Variants in CCNO observed in about 807,000 individuals in gnomAD.
The protein encoded by CCNO is cyclin O.
A neutral mutation model predicts 23.9 loss-of-function variants in CCNO; 24 were observed. The observed-to-expected ratio is 1.00, with a 90% confidence interval of 0.73 to 1.41. The LOEUF (loss-of-function observed/expected upper bound fraction) is 1.41. CCNO is among the 40% of genes most tolerant of loss of function. The pLI is 0.00. For missense variants in CCNO, 542 were observed against 476.2 expected, an observed-to-expected ratio of 1.14 and a Z score of -1.29; for synonymous variants, 241 against 225.7, an observed-to-expected ratio of 1.07 and a Z score of -0.61.
rs2111718353 is a variant in CCNO, at chr5:55,232,478, G to C, written c.450C>G (p.Ser150=). The change falls in exon 2 of 3, where the codon TCC becomes TCG. Residue 150 remains serine (S), a synonymous_variant. Coordinates refer to ENST00000282572, the MANE Select transcript of CCNO (RefSeq NM_021147.5). Reference sequence around the variant, plus strand: ...TCACCGTCAGGCACAGCGACTCGAAGGAGAGGCCGAATTGGCGGTGCACCG... The same window carrying C: ...TCACCGTCAGGCACAGCGACTCGAACGAGAGGCCGAATTGGCGGTGCACCG... ...LIPVHRQFGL[S]FESLCLTVNT... is the part of the protein sequence containing the mutation. 1 of 1,614,006 alleles carries C rather than the reference G, an allele frequency of 6.2e-7. No homozygotes were observed. The highest frequency in any genetic ancestry group is 8.5e-7 in the Non-Finnish European group (1 of 1,180,044).
intron 1 of CCNO, chr5:55,232,809 C>T (rs1028380287): frequency 1.2e-5 from 7 of 590,358 alleles, no homozygotes; most frequent in African/African-American, 1.1e-4. Context: ...GGGAGGGGTT[C>T]CATTTTGCAG....
chr5:55,232,950 G>C (rs376062835), intron 1 of CCNO, 193 bp downstream of exon 1: 3 of 639,264 alleles, frequency 4.7e-6, no homozygotes, highest in South Asian at 4.0e-5. Context: ...CCCTCAAGCC[G>C]TCTACGCCCC....
At chr5:55,232,749 G>C (rs1179459927) in intron 1 of CCNO, 3 of 613,088 alleles carry the variant, frequency 4.9e-6, no homozygotes, top group East Asian at 2.7e-5. Context: ...GCTGTGCAGA[G>C]AGCGTCGTAC....
rs929955608 is a variant in CCNO, at chr5:55,233,340, C to G, written c.184G>C (p.Glu62Gln). 6.2e-7 allele frequency: 1 copy of G among 1,607,258 alleles called. No individual in the cohort carries two copies. The highest frequency in any genetic ancestry group is 2.2e-5 in the East Asian group (1 of 44,656). The change falls in exon 1 of 3, where the codon GAG (glutamate) becomes CAG (glutamine). Residue 62 changes from glutamate (E) to glutamine (Q), a missense_variant. By Grantham distance (29) the Glu-to-Gln change is conservative. Transcript: ENST00000282572. Reference protein sequence around the residue: ...PGDSGICDLFESPSSGSDGAE... With the variant: ...PGDSGICDLFQSPSSGSDGAE... ...CCGTCTGAGCCGGAGCTGGGGGACT[C>G]GAACAGGTCGCAAATGCCGGAGTCT...
chr5:55,231,527 C>A lies in CCNO; in HGVS notation c.901G>T (p.Val301Leu), dbSNP rs895968566. 2 of 1,613,598 alleles carry A rather than the reference C, an allele frequency of 1.2e-6. No individual in the cohort carries two copies. The highest frequency in any genetic ancestry group is 1.1e-5 in the South Asian group (1 of 91,080). ...ADRMLRVSRP[V>L]DLRLGDHPEA... The stretch of plus-strand genomic sequence containing the variant: ...GGGTGGTCTCCCAGTCGCAAGTCCA[C>A]GGGCCGCGAGACCCGCAGCATGCGG... The change falls in exon 3 of 3, where the codon GTG becomes TTG. Residue 301 changes from valine to leucine, a missense_variant. Coordinates refer to ENST00000282572, the MANE Select transcript of CCNO (RefSeq NM_021147.5).
intron 1 of CCNO, 138 bp downstream of exon 1, chr5:55,233,005 G>T (rs1468761340): frequency 1.2e-5 from 10 of 865,970 alleles, no homozygotes; most frequent in Non-Finnish European, 1.7e-5. Context: ...CCCCTCCACG[G>T]CCCCTTGTGC....
At chr5:55,232,325 C>T in intron 2 of CCNO, 36 bp downstream of exon 2, 5 of 1,583,596 alleles carry the variant, frequency 3.2e-6, no homozygotes, top group Non-Finnish European at 4.3e-6. Context: ...GCTGCGTCCC[C>T]AGATGCCGCG....
At position 55,231,287 on chromosome 5, in the gene CCNO, T is replaced by G. The variant is rs1324480651; in HGVS notation, c.*88A>C. The G allele has an allele frequency of 2.7e-6, 4 of 1,488,266 alleles. No individual in the cohort carries two copies. Among genetic ancestry groups the G allele is most frequent in the Non-Finnish European group, 2.8e-6 (3 of 1,088,674 alleles). 92.2% of individuals were successfully genotyped at this position (1,488,266 alleles called of 1,614,324 possible). On this transcript the variant is annotated 3_prime_UTR_variant, in exon 3 of 3. Transcript: ENST00000282572. The stretch of plus-strand genomic sequence containing the variant: ...GCTGACCAAGCAGGTCCTGAAGCCT[T>G]CTCTGTGGACCAGTACTGCACTCTT...
At position 55,233,166 on chromosome 5, in the gene CCNO, C is replaced by T. The variant is rs1745645692; in HGVS notation, c.358G>A (p.Glu120Lys). Residue 120 changes from glutamate (E) to lysine (K), a missense_variant, in exon 1 of 3, where the codon GAG (glutamate) becomes AAG (lysine). Transcript: ENST00000282572. Reference sequence around the variant, plus strand: ...ACTTGTGGCTGCCGTGCCAGCGCCTCCCGCGGGTGGAAGTGGCTCTCCTGC... The same window carrying T: ...ACTTGTGGCTGCCGTGCCAGCGCCTTCCGCGGGTGGAAGTGGCTCTCCTGC... ...KAQESHFHPR[E>K]ALARQPQVTA... 2.6e-6 allele frequency: 4 copies of T among 1,545,958 alleles called. No individual in the cohort carries two copies. In the South Asian group the frequency reaches 4.8e-5, roughly 18 times the overall value.
Position 55,233,263 on chromosome 5 carries a change from G to C in CCNO, c.261C>G (p.Ala87=), listed in dbSNP as rs1366870730. The part of the protein sequence containing the change: ...ARGGSPLPGP[A]QPVAQLDLQT... ...GTAGATCTAGCTGCGCCACGGGCTGGGCCGGGCCGGGCAGGGGGCTACCAC... is the reference window on the plus strand; with the variant it reads ...GTAGATCTAGCTGCGCCACGGGCTGCGCCGGGCCGGGCAGGGGGCTACCAC... The change falls in exon 1 of 3, where the codon GCC becomes GCG. Residue 87 remains alanine (A), a synonymous_variant. Transcript: ENST00000282572. The C allele has an allele frequency of 6.9e-6, 11 of 1,588,826 alleles. No individual in the cohort carries two copies. The highest frequency in any genetic ancestry group is 1.7e-4 in the Middle Eastern group (1 of 6,010).
chr5:55,232,385 G>T lies in CCNO; in HGVS notation c.543C>A (p.Thr181=). Reference sequence around the variant, plus strand: ...CCTGTTTGCAAGCGATGAGCAAGGAGGTGACCCCAAGCAGCTGGAAGCAGT... The same window carrying T: ...CCTGTTTGCAAGCGATGAGCAAGGATGTGACCCCAAGCAGCTGGAAGCAGT... ...AADCFQLLGV[T]SLLIACKQVE... is the part of the protein sequence containing the mutation. Residue 181 remains threonine, a synonymous_variant, in exon 2 of 3, where the codon ACC becomes ACA. Transcript: ENST00000282572. The T allele has an allele frequency of 1.2e-6, 2 of 1,613,796 alleles. No individual in the cohort carries two copies. The highest frequency in any genetic ancestry group is 4.5e-5 in the East Asian group (2 of 44,878).
intron 1 of CCNO, 74 bp from the exon 2 acceptor site, chr5:55,232,620 CAAG>C (rs1745625067): frequency 9.1e-6 from 13 of 1,426,754 alleles, no homozygotes; most frequent in Non-Finnish European, 1.3e-5. Flanking sequence ...AAGGAAGGGC[CAAG>C]AAGAATCGGG....
chr5:55,232,617 G>C, intron 1 of CCNO, 71 bp from the exon 2 acceptor site: 1 of 1,452,400 alleles, frequency 6.9e-7, no homozygotes, highest in Non-Finnish European at 9.6e-7. Context: ...GGGAAGGAAG[G>C]GCCAAGAAGA....
chr5:55,233,051 C>G, intron 1 of CCNO, 92 bp downstream of exon 1: 2 of 1,380,606 alleles, frequency 1.4e-6, no homozygotes, highest in Non-Finnish European at 1.9e-6. Flanking sequence ...GTCGCGGGCC[C>G]GGGCGCTCGG....
In CCNO at chr5:55,233,551, C is replaced by T. The variant is rs764613735; in HGVS notation, c.-28G>A. ...TGCGGCCGGGTGGCCGCTTTACTAC[C>T]TTCAACGCCCGGGCTGCGGCGGGCA... is the stretch of plus-strand genomic sequence containing the variant. On this transcript the variant is annotated 5_prime_UTR_variant, in exon 1 of 3. Transcript: ENST00000282572. The T allele has an allele frequency of 5.3e-6, 8 of 1,501,418 alleles. No homozygotes were observed. Among genetic ancestry groups the T allele is most frequent in the Middle Eastern group, 2.4e-4 (1 of 4,172 alleles). 93.0% of individuals were successfully genotyped at this position (1,501,418 alleles called of 1,614,324 possible). A position where few individuals can be genotyped will look rare whatever the true frequency, so the allele number is the denominator to read the frequency against.
At chr5:55,233,044 G>A in intron 1 of CCNO, 99 bp downstream of exon 1, 1 of 1,316,436 alleles carries the variant, frequency 7.6e-7, no homozygotes. Context: ...CTGGGCTGTC[G>A]CGGGCCCGGG....
At position 55,231,780 on chromosome 5, in the gene CCNO, G is replaced by C. The variant is rs1238416921; in HGVS notation, c.648C>G (p.Leu216=). ...GCAGCTTGTGCAGCACGATGCACTC[G>C]AGGTTGCAGAGCTGCTGCCGGGAGA... ...GAFSRQQLCN[L]ECIVLHKLHF... Residue 216 remains leucine, a synonymous_variant, in exon 3 of 3, where the codon CTC becomes CTG. Coordinates refer to ENST00000282572, the MANE Select transcript of CCNO (RefSeq NM_021147.5). 6.4e-7 allele frequency: 1 copy of C among 1,562,520 alleles called. No individual in the cohort carries two copies. The highest frequency in any genetic ancestry group is 8.7e-7 in the Non-Finnish European group (1 of 1,154,264).
chr5:55,232,738 C>A (rs373020390), intron 1 of CCNO, 192 bp from the exon 2 acceptor site: 2 of 621,094 alleles, frequency 3.2e-6, no homozygotes, highest in South Asian at 1.9e-5. Flanking sequence ...TGGGACCTGG[C>A]GCTGTGCAGA....
In CCNO at chr5:55,232,500, A is replaced by T; in HGVS notation, c.428T>A (p.Val143Glu). ...GAAGGAGAGGCCGAATTGGCGGTGCACCGGGATCAGCCAGCTGAGCAGCTT... is the reference window on the plus strand; with the variant it reads ...GAAGGAGAGGCCGAATTGGCGGTGCTCCGGGATCAGCCAGCTGAGCAGCTT... ...RCKLLSWLIP[V>E]HRQFGLSFES... Residue 143 changes from valine (V) to glutamate (E), a missense_variant, in exon 2 of 3, where the codon GTG (valine) becomes GAG (glutamate). Val to Glu is a moderately radical substitution (Grantham distance 121). Transcript: ENST00000282572. The T allele has an allele frequency of 6.2e-7, 1 of 1,613,694 alleles. No homozygotes were observed. Among genetic ancestry groups the T allele is most frequent in the Non-Finnish European group, 8.5e-7 (1 of 1,180,030 alleles).
Sources: allele counts gnomAD v4.1 joint callset, GRCh38; gene constraint gnomAD v4.1.1; transcripts MANE v1.5; gene names NCBI Gene and HGNC (gene_info 2026-07-23, HGNC 2026-07-21).